The following ME3 variants were observed in gnomAD, a reference collection of about 807,000 sequenced individuals.
ME3 encodes the protein malic enzyme 3.
ME3 carries 48 observed loss-of-function variants against 68.9 expected under a neutral mutation model. That is an observed-to-expected ratio of 0.70 (90% CI 0.55 to 0.89). The LOEUF (loss-of-function observed/expected upper bound fraction) is 0.89. Ranked by LOEUF, ME3 falls within the 40% of genes least tolerant of loss-of-function variation. The probability of loss-of-function intolerance (pLI) is 0.00; values close to 1 mark genes in which losing one functional copy is unlikely to be tolerated. For missense variants in ME3, 675 were observed against 797.4 expected, an observed-to-expected ratio of 0.85 and a Z score of 1.85; for synonymous variants, 320 against 318.8, an observed-to-expected ratio of 1.00 and a Z score of -0.04.
intron 2 of ME3, among the ~76,000 whole-genome samples, chr11:86,651,741 T>G (rs1418302735): frequency 6.6e-6 from 1 of 152,212 alleles, no homozygotes; most frequent in African/African-American, 2.4e-5. Flanking sequence ...TAAAGCTGGA[T>G]GGAGAATGAC....
At chr11:86,672,332 C>G (rs929623766) in exon 1 of ME3, 2 of 184,868 alleles carry the variant, frequency 1.1e-5, no homozygotes, top group African/African-American at 4.7e-5. Flanking sequence ...ACCTGCGCTG[C>G]TCGGGGAGCT....
chr11:86,646,629 C>G (rs1031189578), intron 2 of ME3, among the ~76,000 whole-genome samples: 6 of 152,202 alleles, frequency 3.9e-5, no homozygotes, highest in African/African-American at 1.2e-4. Flanking sequence ...AAACACACTT[C>G]AGGATATTAT....
At chr11:86,646,152 A>G (rs1185893208) in intron 2 of ME3, among the ~76,000 whole-genome samples, 1 of 152,232 alleles carries the variant, frequency 6.6e-6, no homozygotes, top group Non-Finnish European at 1.5e-5. Flanking sequence ...TTCTCCTCAA[A>G]AAGATCACAA....
intron 8 of ME3, among the ~76,000 whole-genome samples, chr11:86,459,259 G>C (rs1479182920): frequency 6.6e-6 from 1 of 152,172 alleles, no homozygotes; most frequent in Non-Finnish European, 1.5e-5. Flanking sequence ...TGTGGGAAAG[G>C]GGAGAAAAGT....
intron 4 of ME3, among the ~76,000 whole-genome samples, chr11:86,513,305 T>G (rs1953669255): frequency 6.6e-6 from 1 of 152,220 alleles, no homozygotes; most frequent in African/African-American, 2.4e-5. Context: ...ATAACACCTT[T>G]TGAAATGTGT....
At chr11:86,559,752 G>T in exon 3 of ME3, 2 of 1,614,036 alleles carry the variant, frequency 1.2e-6, no homozygotes, top group Non-Finnish European at 1.7e-6. Context: ...GGACGTCCTG[G>T]CTCAGAAAGC....
At chr11:86,631,592 TA>T (rs1322184774) in intron 2 of ME3, among the ~76,000 whole-genome samples, 1 of 152,180 alleles carries the variant, frequency 6.6e-6, no homozygotes, top group African/African-American at 2.4e-5. Context: ...GTCTTGTTTA[TA>T]AAAATCCTCA....
At chr11:86,534,650 G>A (rs1318602561) in intron 4 of ME3, among the ~76,000 whole-genome samples, 1 of 152,064 alleles carries the variant, frequency 6.6e-6, no homozygotes, top group Admixed American at 6.6e-5. Context: ...ACTCCAGCCT[G>A]GGCAACAGAG....
rs1942586547 is a variant in ME3 at position 86,611,629 on chromosome 11, A to G, written c.184-51806T>C. On this transcript the variant is annotated intron_variant, in intron 2 of 14. Transcript: ENST00000543262. ...GTGGGGGGGGGGGGAAGAAAAATGA[A>G]TATCTGATTAGTGCTGTATTCAAAG... is the stretch of plus-strand genomic sequence containing the variant. Among the ~76,000 whole-genome samples the G allele has an allele frequency of 2.0e-5, 3 of 150,978 alleles. No homozygotes were observed. The South Asian group carries it at 6.3e-4, about 32-fold the overall frequency.
At chr11:86,644,302 C>G (rs1376862225) in intron 2 of ME3, among the ~76,000 whole-genome samples, 2 of 152,200 alleles carry the variant, frequency 1.3e-5, no homozygotes, top group African/African-American at 4.8e-5. Flanking sequence ...CACTCTTGCC[C>G]TCTTCCAATC....
At chr11:86,519,521 A>C (rs1594266054) in intron 4 of ME3, among the ~76,000 whole-genome samples, 1 of 152,240 alleles carries the variant, frequency 6.6e-6, no homozygotes. Context: ...CACCAAGTCC[A>C]GCAATAAAGG....
chr11:86,527,958 ACTAACCAG>A (rs1376077572), intron 4 of ME3, among the ~76,000 whole-genome samples: 6 of 152,228 alleles, frequency 3.9e-5, no homozygotes, highest in African/African-American at 1.4e-4. Flanking sequence ...TAACAAGCAA[ACTAACCAG>A]CTAACATCAT....
chr11:86,455,218 AG>A (rs3216158), intron 8 of ME3, among the ~76,000 whole-genome samples: 51,293 of 152,122 alleles, frequency 0.34, 8,901 homozygotes, highest in East Asian at 0.49. Context: ...GCACCATGCT[AG>A]GCACTGTCGA....
chr11:86,502,120 C>T (rs925154049), intron 5 of ME3, among the ~76,000 whole-genome samples: 1 of 152,210 alleles, frequency 6.6e-6, no homozygotes. Flanking sequence ...TGAAATATTT[C>T]CAATTTTGTA....
At chr11:86,527,069 G>A (rs1364630943) in intron 4 of ME3, among the ~76,000 whole-genome samples, 2 of 152,200 alleles carry the variant, frequency 1.3e-5, no homozygotes, top group Non-Finnish European at 2.9e-5. Flanking sequence ...ACTACTCTGA[G>A]CTAAAGGAGG....
At chr11:86,671,852 G>C in exon 2 of ME3, 2 of 1,584,712 alleles carry the variant, frequency 1.3e-6, no homozygotes, top group South Asian at 1.1e-5. Context: ...GGCAGCCTTG[G>C]GCGGGCGCGG....
At chr11:86,567,243 AAAGGAAGGAAGGAAGG>A (rs149764846) in intron 2 of ME3, among the ~76,000 whole-genome samples, 77 of 144,580 alleles carry the variant, frequency 5.3e-4, no homozygotes, top group African/African-American at 1.6e-3. Context: ...GAAAAGAAAG[AAAGGAAGGAAGGAAGG>A]AAGGAAGGAA....
At chr11:86,491,676 A>AC (rs1952019562) in intron 6 of ME3, among the ~76,000 whole-genome samples, 1 of 151,936 alleles carries the variant, frequency 6.6e-6, no homozygotes, top group African/African-American at 2.4e-5. Context: ...ACCTGCCTGG[A>AC]CCCCCTCCTT....
chr11:86,598,691 A>G (rs899704454), intron 2 of ME3, among the ~76,000 whole-genome samples: 4 of 152,166 alleles, frequency 2.6e-5, no homozygotes, highest in African/African-American at 7.2e-5. Context: ...CCTAACTGGG[A>G]GGCACCCCCC....
Sources: allele counts gnomAD v4.1 joint callset (sites outside exome capture counted in the v4.1 genomes callset), GRCh38; gene constraint gnomAD v4.1.1; transcripts MANE v1.5; gene names NCBI Gene and HGNC (gene_info 2026-07-23, HGNC 2026-07-21).